Variants in ADAP1 observed in about 807,000 individuals in gnomAD.
ADAP1 encodes the protein arf-GAP with dual PH domain-containing protein 1.
In ADAP1, 31 loss-of-function variants were observed where a neutral mutation model predicts 54.9. The ratio of observed to expected loss-of-function variants is 0.56; its 90% CI spans 0.42 to 0.76. The LOEUF is 0.76. Ranked by LOEUF, ADAP1 falls within the 30% of genes least tolerant of loss-of-function variation. The pLI is 0.00. For missense variants in ADAP1, 535 were observed against 512.4 expected (o/e 1.04, Z -0.42); for synonymous variants, 313 against 202.6 (o/e 1.55, Z -4.63).
At chr7:919,193 G>A (rs967991057) in intron 4 of ADAP1, among the ~76,000 whole-genome samples, 4 of 149,198 alleles carry the variant, frequency 2.7e-5, no homozygotes, top group South Asian at 2.1e-4. Context: ...GGCCGGGGCC[G>A]CACCCTCCCC....
Position 954,359 on chromosome 7 carries a change from A to ACCCACCCGGCCCCGCG in ADAP1, c.82+21_82+36dup, listed in dbSNP as rs1847337457. The ACCCACCCGGCCCCGCG allele has an allele frequency of 1.2e-5, 5 of 413,284 alleles. No homozygotes were observed. In the South Asian group the frequency reaches 2.2e-4, roughly 18 times the overall value. The allele number at this position is 413,284 out of a possible 1,614,324, so 25.6% of individuals were successfully genotyped here. On this transcript the variant is annotated intron_variant, in intron 1 of 10. Transcript: ENST00000265846. ...GCCCGGCACCCCGCGCCCACCCCGG[A>ACCCACCCGGCCCCGCG]CCCACCCGGCCCCGCGCCCACCCGG... is the stretch of plus-strand genomic sequence containing the variant.
chr7:927,858 C>A (rs1846439179), intron 2 of ADAP1, among the ~76,000 whole-genome samples: 1 of 151,102 alleles, frequency 6.6e-6, no homozygotes, highest in Admixed American at 6.6e-5. Flanking sequence ...ATAATAATTG[C>A]CAAAAAACAG....
chr7:923,142 A>C (rs1846250368), intron 3 of ADAP1: 1 of 152,138 alleles, frequency 6.6e-6, no homozygotes, highest in African/African-American at 2.4e-5. Flanking sequence ...TTGAGCCTCC[A>C]GCCTCCAGAG....
chr7:909,363 C>G (rs1845624910), intron 4 of ADAP1, among the ~76,000 whole-genome samples: 1 of 110,156 alleles, frequency 9.1e-6, no homozygotes, highest in Non-Finnish European at 1.8e-5. Context: ...GAACCCCGGT[C>G]CTCCCGACAG....
intron 4 of ADAP1, among the ~76,000 whole-genome samples, chr7:911,393 G>C (rs1845716069): frequency 6.6e-6 from 1 of 152,214 alleles, no homozygotes; most frequent in Admixed American, 6.5e-5. Context: ...GGCTGCCCAG[G>C]CTGCAGGAGG....
At position 905,071 on chromosome 7, in the gene ADAP1, T is replaced by C; in HGVS notation, c.490A>G (p.Asn164Asp). 6.2e-7 allele frequency: 1 copy of C among 1,611,324 alleles called. No homozygotes were observed. Among genetic ancestry groups the C allele is most frequent in the Non-Finnish European group, 8.5e-7 (1 of 1,179,860 alleles). ...CGTCTGTGACTCACATCATTTCTGT[T>C]GAAATACTTCAGAGCACCCTCTCGT... is the stretch of plus-strand genomic sequence containing the variant. ...TEREGALKYFNRNDAKEPKAV... is the reference protein window; with the variant it reads ...TEREGALKYFDRNDAKEPKAV... The change falls in exon 5 of 11, where the codon AAC (asparagine) becomes GAC (aspartate). Residue 164 changes from asparagine (N) to aspartate (D), a missense_variant. Physicochemically the swap from Asn to Asp is conservative, Grantham distance 23. Transcript: ENST00000265846.
rs1039631076 is a variant in ADAP1, at chr7:918,389, C to CT, written c.388+1578dup. ...TGCCACCATATCCAGCTAATTTTTT[C>CT]TTTTTTTTAAAGGGAGGGCATCTTA... On this transcript the variant is annotated intron_variant, in intron 4 of 10. Transcript: ENST00000265846. Among the ~76,000 whole-genome samples, 94 of 151,996 alleles carry CT rather than the reference C, an allele frequency of 6.2e-4. 1 individual carries two copies. In the South Asian group the frequency reaches 0.014, roughly 22 times the overall value.
Position 930,733 on chromosome 7 carries a change from C to T in ADAP1, c.214-4089G>A, listed in dbSNP as rs376161638. ...ACTCGGGAGGCTGAAGCAGGAGAAT[C>T]GCTTGAATGTGGGAGGTGGAGGTTG... On this transcript the variant is annotated intron_variant, in intron 2 of 10. Coordinates refer to ENST00000265846, the MANE Select transcript of ADAP1 (RefSeq NM_006869.4). Among the ~76,000 whole-genome samples the T allele has an allele frequency of 8.6e-5, 13 of 151,586 alleles. 1 individual carries two copies. Among genetic ancestry groups the T allele is most frequent in the Admixed American group, 8.5e-4 (13 of 15,232 alleles).
intron 1 of ADAP1, among the ~76,000 whole-genome samples, chr7:953,024 T>A (rs550511223): frequency 1.3e-5 from 2 of 152,104 alleles, no homozygotes; most frequent in Non-Finnish European, 2.9e-5. Flanking sequence ...CCAGGCTGTG[T>A]GGCCAGGGAG....
At chr7:907,684 G>A (rs952955116) in intron 4 of ADAP1, among the ~76,000 whole-genome samples, 3 of 152,210 alleles carry the variant, frequency 2.0e-5, no homozygotes, top group African/African-American at 7.2e-5. Flanking sequence ...CTTCTTCTAT[G>A]GCCCTGGCTG....
In ADAP1 at chr7:898,863, G is replaced by T; in HGVS notation, c.*58C>A. 1 of 1,558,736 alleles carries T rather than the reference G, an allele frequency of 6.4e-7. No individual in the cohort carries two copies. Among genetic ancestry groups the T allele is most frequent in the East Asian group, 2.4e-5 (1 of 41,354 alleles). On this transcript the variant is annotated 3_prime_UTR_variant, in exon 11 of 11. Coordinates refer to ENST00000265846, the MANE Select transcript of ADAP1 (RefSeq NM_006869.4). ...AGGACGCCAGAGCCCCCCCATCCAC[G>T]GGTCCCCTCCGTCCAGCCACAGTGA...
At position 926,478 on chromosome 7, in the gene ADAP1, G is replaced by T; in HGVS notation, c.305+75C>A. On this transcript the variant is annotated intron_variant, in intron 3 of 10. Transcript: ENST00000265846. The surrounding 1 kb of genome is among the most constrained non-coding windows in gnomAD (Gnocchi z 4.6). The stretch of plus-strand genomic sequence containing the variant: ...TGGGCGGCACCCAACTCCCCACCCT[G>T]CCGGGTCCTCCCGGGGCCATCTCGG... 7.6e-7 allele frequency: 1 copy of T among 1,324,060 alleles called. No homozygotes were observed. The highest frequency in any genetic ancestry group is 1.0e-6 in the Non-Finnish European group (1 of 989,710). 82.0% of individuals were successfully genotyped at this position (1,324,060 alleles called of 1,614,324 possible). A position where few individuals can be genotyped will look rare whatever the true frequency, so the allele number is the denominator to read the frequency against.
In ADAP1 at chr7:906,692, GACATGGACATGGGGGA is replaced by G. The variant is rs1562915194; in HGVS notation, c.389-1536_389-1521del. On this transcript the variant is annotated intron_variant, in intron 4 of 10. Coordinates refer to ENST00000265846, the MANE Select transcript of ADAP1 (RefSeq NM_006869.4). Reference sequence around the variant, plus strand: ...GGGGACATGGACAGGGGACACGGGGGACATGGACATGGGGGACGGGACATCGGGGACGGGACATGGG... The same window carrying G: ...GGGGACATGGACAGGGGACACGGGGGCGGGACATCGGGGACGGGACATGGG... Among the ~76,000 whole-genome samples, 417 of 40,890 alleles carry G rather than the reference GACATGGACATGGGGGA, an allele frequency of 0.01. 23 individuals are homozygous for G. In the East Asian group the frequency reaches 0.13, roughly 12 times the overall value. The allele number at this position is 40,890 out of a possible 152,430, so 26.8% of individuals were successfully genotyped here.
intron 4 of ADAP1, among the ~76,000 whole-genome samples, chr7:906,513 A>AGAAAGG: frequency 1.1e-4 from 3 of 26,488 alleles, no homozygotes; most frequent in Non-Finnish European, 1.6e-4. Context: ...GGGAGAAAGG[A>AGAAAGG]GAAAGGAGAA....
chr7:905,241 G>C (rs1402251175), intron 4 of ADAP1, 69 bp from the exon 5 acceptor site: 2 of 1,192,656 alleles, frequency 1.7e-6, no homozygotes, highest in African/African-American at 1.6e-5. Context: ...AGTGACGATG[G>C]ACAGGACAGA....
chr7:951,915 C>CA (rs572666658), intron 1 of ADAP1, among the ~76,000 whole-genome samples: 299 of 152,318 alleles, frequency 2.0e-3, no homozygotes, highest in African/African-American at 7.1e-3. Context: ...GATCCTCCGG[C>CA]CTCGGCCTCC....
chr7:926,011 G>A lies in ADAP1; in HGVS notation c.305+542C>T, dbSNP rs534339419. On this transcript the variant is annotated intron_variant, in intron 3 of 10. Transcript: ENST00000265846. The surrounding 1 kb of genome is among the most constrained non-coding windows in gnomAD (Gnocchi z 4.6). The stretch of plus-strand genomic sequence containing the variant: ...TTGTCACCTCTCATTCCCACCGTCC[G>A]GGCAGATGGGGAGACTGAGGCTTGG... 1.3e-4 allele frequency among the ~76,000 whole-genome samples: 20 copies of A among 152,276 alleles called. No homozygotes were observed. Among genetic ancestry groups the A allele is most frequent in the African/African-American group, 4.6e-4 (19 of 41,562 alleles).
In ADAP1 at chr7:904,934, C is replaced by T. The variant is rs546383855; in HGVS notation, c.501+126G>A. The T allele has an allele frequency of 1.9e-3, 1,516 of 792,122 alleles. 5 individuals are homozygous for T. Among genetic ancestry groups the T allele is most frequent in the South Asian group, 2.6e-3 (164 of 63,368 alleles). 49.1% of individuals were successfully genotyped at this position (792,122 alleles called of 1,614,324 possible). The stretch of plus-strand genomic sequence containing the variant: ...CCAACACAGGCCGGTTCTCCTGGAG[C>T]GTCCCCATCGGGGGGGGCAGCAGGG... On this transcript the variant is annotated intron_variant, in intron 5 of 10. Transcript: ENST00000265846.
chr7:907,227 C>T (rs1845506262), intron 4 of ADAP1, among the ~76,000 whole-genome samples: 1 of 152,150 alleles, frequency 6.6e-6, no homozygotes. Flanking sequence ...AGCCTAAGCA[C>T]CTGGACACGC....
Sources: gnomAD v4.1 joint callset for allele counts (sites outside exome capture counted in the v4.1 genomes callset) on GRCh38, gnomAD v4.1.1 for gene constraint, Gnocchi (gnomAD v3.1) non-coding constraint, MANE v1.5 for transcripts, NCBI Gene and HGNC (gene_info 2026-07-23, HGNC 2026-07-21) for gene names.